ZBTB47: variants seen among roughly 807,000 people sequenced by gnomAD.
The protein encoded by ZBTB47 is zinc finger and BTB domain-containing protein 47.
Under a neutral mutation model 56.6 loss-of-function variants are expected in ZBTB47, and 24 were observed. The ratio of observed to expected loss-of-function variants is 0.42; its 90% CI spans 0.31 to 0.60. The LOEUF (loss-of-function observed/expected upper bound fraction) is 0.60. ZBTB47 is among the 20% of genes least tolerant of loss of function. The pLI is 0.14. For missense variants in ZBTB47, 829 were observed against 1,032.6 expected (o/e 0.80, Z 2.70); for synonymous variants, 414 against 418.9 (o/e 0.99, Z 0.14).
intron 2 of ZBTB47, among the ~76,000 whole-genome samples, chr3:42,660,756 C>A (rs2125837873): frequency 6.6e-6 from 1 of 152,304 alleles, no homozygotes; most frequent in East Asian, 1.9e-4. Context: ...TGCTGGGCTG[C>A]CCTTTGATGC....
At position 42,654,846 on chromosome 3, in the gene ZBTB47, C is replaced by A. The variant is rs780863526; in HGVS notation, c.-82+963C>A. 2.0e-5 allele frequency among the ~76,000 whole-genome samples: 3 copies of A among 151,750 alleles called. No individual in the cohort carries two copies. Among genetic ancestry groups the A allele is most frequent in the African/African-American group, 4.8e-5 (2 of 41,292 alleles). ...GCTCCATCTGCTGGGTCCCGCGGGC[C>A]GGGAATGCGGCGCTGTGGCGCTGCT... is the stretch of plus-strand genomic sequence containing the variant. On this transcript the variant is annotated intron_variant, in intron 1 of 5. Coordinates refer to ENST00000232974, the MANE Select transcript of ZBTB47 (RefSeq NM_145166.4). The surrounding 1 kb of genome is among the most constrained non-coding windows in gnomAD (Gnocchi z 5.0).
At chr3:42,655,118 C>G (rs542979650) in intron 1 of ZBTB47, among the ~76,000 whole-genome samples, 12 of 152,172 alleles carry the variant, frequency 7.9e-5, no homozygotes, top group African/African-American at 1.9e-4. Flanking sequence ...CCAGAGCTCC[C>G]GTACCAACTC....
chr3:42,664,124 C>A, intron 5 of ZBTB47, 113 bp from the exon 6 acceptor site: 1 of 1,493,984 alleles, frequency 6.7e-7, no homozygotes, highest in African/African-American at 1.4e-5. Flanking sequence ...CGGGGAGGAT[C>A]TGAGAGCGCC....
intron 2 of ZBTB47, among the ~76,000 whole-genome samples, chr3:42,660,192 G>A (rs1710696742): frequency 6.6e-6 from 1 of 152,254 alleles, no homozygotes; most frequent in African/African-American, 2.4e-5. Flanking sequence ...GGTGGGATGA[G>A]TCAGACGGGG....
chr3:42,659,507 C>T lies in ZBTB47; in HGVS notation c.1152C>T (p.Asn384=), dbSNP rs754871625. 3.7e-5 allele frequency: 57 copies of T among 1,537,068 alleles called. 1 individual carries two copies. The South Asian group carries it at 4.6e-4, about 12-fold the overall frequency. The stretch of plus-strand genomic sequence containing the variant: ...ACATGGCCACACGGTCCCGGGAGAA[C>T]GCCCGGCGCCGGGGTACCCCTGAAC... ...HSHMATRSRE[N]ARRRGTPEPE... is the part of the protein sequence containing the mutation. Residue 384 remains asparagine, a synonymous_variant, in exon 2 of 6, where the codon AAC becomes AAT. Transcript: ENST00000232974.
At position 42,659,189 on chromosome 3, in the gene ZBTB47, GGAGGAGGAGGACGAC is replaced by G. The variant is rs778053340; in HGVS notation, c.846_860del (p.Asp282_Glu286del). 4.0e-6 allele frequency: 6 copies of G among 1,500,490 alleles called. No homozygotes were observed. The highest frequency in any genetic ancestry group is 4.1e-5 in the Admixed American group (2 of 49,030). 92.9% of individuals were successfully genotyped at this position (1,500,490 alleles called of 1,614,324 possible). A position where few individuals can be genotyped will look rare whatever the true frequency, so the allele number is the denominator to read the frequency against. On this transcript the variant is annotated inframe_deletion, in exon 2 of 6. Coordinates refer to ENST00000232974, the MANE Select transcript of ZBTB47 (RefSeq NM_145166.4). ...ACGGGCTGCAGAGACACTCGGACGA[GGAGGAGGAGGACGAC>G]GAGGAGGAGGAGGAGGAAGAAGAGG...
chr3:42,658,574 C>T lies in ZBTB47; in HGVS notation c.219C>T (p.Phe73=). 6.5e-7 allele frequency: 1 copy of T among 1,537,162 alleles called. No homozygotes were observed. Among genetic ancestry groups the T allele is most frequent in the East Asian group, 2.4e-5 (1 of 40,918 alleles). ...APGGLQQILN[F]IYTSKLLVNA... Reference sequence around the variant, plus strand: ...GTGGCCTGCAGCAGATCCTCAACTTCATCTATACGTCCAAGCTGCTGGTCA... The same window carrying T: ...GTGGCCTGCAGCAGATCCTCAACTTTATCTATACGTCCAAGCTGCTGGTCA... The change falls in exon 2 of 6, where the codon TTC becomes TTT. Residue 73 remains phenylalanine, a synonymous_variant. Coordinates refer to ENST00000232974, the MANE Select transcript of ZBTB47 (RefSeq NM_145166.4).
chr3:42,658,379 C>T lies in ZBTB47; in HGVS notation c.24C>T (p.Arg8=), dbSNP rs1255306588. The T allele has an allele frequency of 1.3e-6, 2 of 1,535,930 alleles. No individual in the cohort carries two copies. Among genetic ancestry groups the T allele is most frequent in the African/African-American group, 2.7e-5 (2 of 73,054 alleles). ...TGATGGGCCGCCTGAACGAGCAGCG[C>T]CTCTTCCAGCCTGACCTCTGCGACG... MGRLNEQ[R]LFQPDLCDVD... The change falls in exon 2 of 6, where the codon CGC becomes CGT. Residue 8 remains arginine (R), a synonymous_variant. Transcript: ENST00000232974.
Position 42,654,283 on chromosome 3 carries a change from C to T in ZBTB47, c.-82+400C>T, listed in dbSNP as rs1201538106. 1 of 141,844 alleles carries T rather than the reference C, an allele frequency of 7.1e-6. No individual in the cohort carries two copies. The highest frequency in any genetic ancestry group is 1.5e-5 in the Non-Finnish European group (1 of 65,924). The allele number at this position is 141,844 out of a possible 1,614,324, so 8.8% of individuals were successfully genotyped here. A position where few individuals can be genotyped will look rare whatever the true frequency, so the allele number is the denominator to read the frequency against. On this transcript the variant is annotated intron_variant, in intron 1 of 5. Coordinates refer to ENST00000232974, the MANE Select transcript of ZBTB47 (RefSeq NM_145166.4). The surrounding 1 kb of genome is among the most constrained non-coding windows in gnomAD (Gnocchi z 5.0). The stretch of plus-strand genomic sequence containing the variant: ...CGGGGTCTATCTGCTCGGATATGAG[C>T]AGTGGGGACGGGCTGGGGGCTGGAG...
Position 42,654,843 on chromosome 3 carries a change from G to A in ZBTB47, c.-82+960G>A. 1 of 402,464 alleles carries A rather than the reference G, an allele frequency of 2.5e-6. No homozygotes were observed. Among genetic ancestry groups the A allele is most frequent in the Non-Finnish European group, 3.4e-6 (1 of 296,894 alleles). 24.9% of individuals were successfully genotyped at this position (402,464 alleles called of 1,614,324 possible). ...CCGGCTCCATCTGCTGGGTCCCGCGGGCCGGGAATGCGGCGCTGTGGCGCT... is the reference window on the plus strand; with the variant it reads ...CCGGCTCCATCTGCTGGGTCCCGCGAGCCGGGAATGCGGCGCTGTGGCGCT... On this transcript the variant is annotated intron_variant, in intron 1 of 5. Coordinates refer to ENST00000232974, the MANE Select transcript of ZBTB47 (RefSeq NM_145166.4). This position sits in a 1 kb window ranked among gnomAD's most constrained non-coding sequence, Gnocchi z 5.0.
Position 42,658,745 on chromosome 3 carries a change from C to T in ZBTB47, c.390C>T (p.Ser130=), listed in dbSNP as rs998743430. 1 of 1,532,224 alleles carries T rather than the reference C, an allele frequency of 6.5e-7. No individual in the cohort carries two copies. 94.9% of individuals were successfully genotyped at this position (1,532,224 alleles called of 1,614,324 possible). The change falls in exon 2 of 6, where the codon AGC becomes AGT. Residue 130 remains serine, a synonymous_variant. Coordinates refer to ENST00000232974, the MANE Select transcript of ZBTB47 (RefSeq NM_145166.4). ...GTVALAQPAA[S]CTPAAPPYYC... ...TGGCCCTGGCCCAGCCGGCTGCCAG[C>T]TGCACTCCAGCTGCGCCGCCCTACT...
Position 42,663,782 on chromosome 3 carries a change from A to T in ZBTB47, c.1738-15A>T. The T allele has an allele frequency of 6.2e-7, 1 of 1,609,684 alleles. No homozygotes were observed. Among genetic ancestry groups the T allele is most frequent in the Non-Finnish European group, 8.5e-7 (1 of 1,177,316 alleles). ...TGCTCTGTGCCTGGGCCTCACCCCC[A>T]AACCCCACCCCCAGAACTGCAATGA... On this transcript the variant is annotated splice_polypyrimidine_tract_variant and intron_variant, in intron 4 of 5. Transcript: ENST00000232974. This position sits in a 1 kb window ranked among gnomAD's most constrained non-coding sequence, Gnocchi z 5.1.
In ZBTB47 at chr3:42,659,508, G is replaced by A. The variant is rs9878239; in HGVS notation, c.1153G>A (p.Ala385Thr). 1.4e-4 allele frequency: 215 copies of A among 1,538,016 alleles called. No individual in the cohort carries two copies. In the African/African-American group the frequency reaches 2.7e-3, roughly 20 times the overall value. ...CATGGCCACACGGTCCCGGGAGAAC[G>A]CCCGGCGCCGGGGTACCCCTGAACC... ...SHMATRSREN[A>T]RRRGTPEPEE... The change falls in exon 2 of 6, where the codon GCC becomes ACC. Residue 385 changes from alanine (A) to threonine (T), a missense_variant. Ala to Thr is a moderately conservative substitution (Grantham distance 58, BLOSUM62 0). Around this residue, in one of 6 missense-constraint regions of ZBTB47, gnomAD observed 359 missense variants for 359.8 expected, o/e 1.00. Coordinates refer to ENST00000232974, the MANE Select transcript of ZBTB47 (RefSeq NM_145166.4).
In ZBTB47 at chr3:42,663,136, C is replaced by A; in HGVS notation, c.1737+9C>A. Reference sequence around the variant, plus strand: ...AGCCGTTCAGATGTGAGGTGAGCTTCCATCTCCTGCCTGGCCTGCCCGAGG... The same window carrying A: ...AGCCGTTCAGATGTGAGGTGAGCTTACATCTCCTGCCTGGCCTGCCCGAGG... On this transcript the variant is annotated intron_variant, in intron 4 of 5. Transcript: ENST00000232974. The surrounding 1 kb of genome is among the most constrained non-coding windows in gnomAD (Gnocchi z 5.1). 6.3e-7 allele frequency: 1 copy of A among 1,599,312 alleles called. No homozygotes were observed. The highest frequency in any genetic ancestry group is 8.6e-7 in the Non-Finnish European group (1 of 1,166,772).
chr3:42,655,960 T>C (rs1710636659), intron 1 of ZBTB47, among the ~76,000 whole-genome samples: 1 of 152,302 alleles, frequency 6.6e-6, no homozygotes, highest in South Asian at 2.1e-4. Flanking sequence ...CATGGGAAGG[T>C]TGCCCTTTCC....
Position 42,659,187 on chromosome 3 carries a change from G to C in ZBTB47, c.832G>C (p.Glu278Gln). 1 of 1,500,586 alleles carries C rather than the reference G, an allele frequency of 6.7e-7. No individual in the cohort carries two copies. The highest frequency in any genetic ancestry group is 1.8e-4 in the Middle Eastern group (1 of 5,710). The allele number at this position is 1,500,586 out of a possible 1,614,324, so 93.0% of individuals were successfully genotyped here. A position where few individuals can be genotyped will look rare whatever the true frequency, so the allele number is the denominator to read the frequency against. ...REDGLQRHSD[E>Q]EEEDDEEEEE... The stretch of plus-strand genomic sequence containing the variant: ...GGACGGGCTGCAGAGACACTCGGAC[G>C]AGGAGGAGGAGGACGACGAGGAGGA... Residue 278 changes from glutamate to glutamine, a missense_variant, in exon 2 of 6, where the codon GAG (glutamate) becomes CAG (glutamine). By Grantham distance (29) the Glu-to-Gln change is conservative. This residue lies in a region of ZBTB47 where 359 missense variants were observed against 359.8 expected (regional missense o/e 1.00). Transcript: ENST00000232974.
Position 42,664,836 on chromosome 3 carries a change from G to C in ZBTB47, c.*238G>C. ...CCCCCCCTTTCTGTGACTCCTTGAA[G>C]CCTTTACTTTTTTTTTTTTTTGGAA... On this transcript the variant is annotated 3_prime_UTR_variant, in exon 6 of 6. Transcript: ENST00000232974. 1 of 356,932 alleles carries C rather than the reference G, an allele frequency of 2.8e-6. No homozygotes were observed. The highest frequency in any genetic ancestry group is 1.5e-4 in the South Asian group (1 of 6,488). The allele number at this position is 356,932 out of a possible 1,614,324, so 22.1% of individuals were successfully genotyped here.
Position 42,659,365 on chromosome 3 carries a change from C to A in ZBTB47, c.1010C>A (p.Pro337His). ...GAGGAGGAGGAAGAGGAGGAAGGGC[C>A]TAGTGAGCAGGATCAAGAGAGCTCT... ...EEEEEEEEEG[P>H]SEQDQESSEE... Residue 337 changes from proline (P) to histidine (H), a missense_variant, in exon 2 of 6, where the codon CCT (proline) becomes CAT (histidine). Physicochemically the swap from Pro to His is moderately conservative, Grantham distance 77. Coordinates refer to ENST00000232974, the MANE Select transcript of ZBTB47 (RefSeq NM_145166.4). 7.0e-7 allele frequency: 1 copy of A among 1,438,670 alleles called. No individual in the cohort carries two copies. The highest frequency in any genetic ancestry group is 1.4e-5 in the South Asian group (1 of 73,932). 89.1% of individuals were successfully genotyped at this position (1,438,670 alleles called of 1,614,324 possible). A position where few individuals can be genotyped will look rare whatever the true frequency, so the allele number is the denominator to read the frequency against.
Position 42,658,346 on chromosome 3 carries a change from T to C in ZBTB47, c.-10T>C. On this transcript the variant is annotated 5_prime_UTR_variant, in exon 2 of 6. Transcript: ENST00000232974. ...TGGTGGAGGACGTGGCGCTGCACTT[T>C]GCCTGCTTGATGGGCCGCCTGAACG... is the stretch of plus-strand genomic sequence containing the variant. 1 of 1,529,188 alleles carries C rather than the reference T, an allele frequency of 6.5e-7. No homozygotes were observed. Among genetic ancestry groups the C allele is most frequent in the Non-Finnish European group, 8.8e-7 (1 of 1,142,386 alleles). The allele number at this position is 1,529,188 out of a possible 1,614,324, so 94.7% of individuals were successfully genotyped here.
Sources: allele counts gnomAD v4.1 joint callset (sites outside exome capture counted in the v4.1 genomes callset), GRCh38; gene constraint gnomAD v4.1.1; regional missense constraint gnomAD v4.1.1; non-coding constraint Gnocchi (gnomAD v3.1); transcripts MANE v1.5; gene names NCBI Gene and HGNC (gene_info 2026-07-23, HGNC 2026-07-21).